ZBTB20: variants seen among roughly 807,000 people sequenced by gnomAD.
ZBTB20 encodes zinc finger and BTB domain containing 20, also known as zinc finger and BTB domain-containing protein 20.
ZBTB20 carries 9 observed loss-of-function variants against 56.9 expected under a neutral mutation model. That is an observed-to-expected ratio of 0.16 (90% CI 0.10 to 0.28). The LOEUF (loss-of-function observed/expected upper bound fraction) is 0.28, where lower values mean the gene tolerates loss of function less well. ZBTB20 is among the 10% of genes least tolerant of loss of function. The pLI is 1.00. For missense variants in ZBTB20, 655 were observed against 1,003.0 expected (o/e 0.65, Z 4.69); for synonymous variants, 417 against 420.7 (o/e 0.99, Z 0.11).
chr3:114,552,537 T>C (rs1237544474), intron 6 of ZBTB20, among the ~76,000 whole-genome samples: 1 of 152,138 alleles, frequency 6.6e-6, no homozygotes, highest in Non-Finnish European at 1.5e-5. Context: ...CTCTGGCCTA[T>C]TTCCAAACCG....
intron 3 of ZBTB20, among the ~76,000 whole-genome samples, chr3:114,909,295 A>G: frequency 6.6e-6 from 1 of 152,050 alleles, no homozygotes; most frequent in Non-Finnish European, 1.5e-5. Context: ...AATGGAAAAA[A>G]TACAGAATAA....
At chr3:114,973,171 G>A (rs1049825034) in intron 3 of ZBTB20, among the ~76,000 whole-genome samples, 1 of 152,078 alleles carries the variant, frequency 6.6e-6, no homozygotes, top group African/African-American at 2.4e-5. Flanking sequence ...AGGTTTAAGA[G>A]TACATCTTTA....
At chr3:114,389,887 C>CAAAAAAAAAAAAAAA (rs34247337) in intron 7 of ZBTB20, among the ~76,000 whole-genome samples, 1 of 77,630 alleles carries the variant, frequency 1.3e-5, no homozygotes, top group Non-Finnish European at 2.2e-5. Flanking sequence ...GAGTCCATCT[C>CAAAAAAAAAAAAAAA]AAAAAAAAAA....
chr3:114,431,332 G>T (rs2090103324), intron 7 of ZBTB20, among the ~76,000 whole-genome samples: 1 of 152,080 alleles, frequency 6.6e-6, no homozygotes, highest in South Asian at 2.1e-4. Flanking sequence ...GGTGCTAAAA[G>T]AAGAAAAACT....
intron 10 of ZBTB20, among the ~76,000 whole-genome samples, chr3:114,364,763 T>G (rs1303429544): frequency 1.3e-5 from 2 of 152,214 alleles, no homozygotes; most frequent in African/African-American, 4.8e-5. Context: ...TTAAATTCCT[T>G]GCTTTTATAG....
rs189760233 is a variant in ZBTB20 at position 115,106,794 on chromosome 3, G to A, written c.-702-35380C>T. On this transcript the variant is annotated intron_variant, in intron 1 of 11. Coordinates refer to ENST00000675478, the MANE Select transcript of ZBTB20 (RefSeq NM_001348800.3). ...ACTAAGAGACTCCCTCCCCACCATC[G>A]CCACCTTCTTCCCCTCTGCCCCCCA... Among the ~76,000 whole-genome samples, 594 of 152,070 alleles carry A rather than the reference G, an allele frequency of 3.9e-3. 4 individuals are homozygous for A. Among genetic ancestry groups the A allele is most frequent in the South Asian group, 6.2e-3 (30 of 4,812 alleles).
At chr3:114,643,342 A>T (rs2059656697) in intron 6 of ZBTB20, among the ~76,000 whole-genome samples, 1 of 151,984 alleles carries the variant, frequency 6.6e-6, no homozygotes, top group African/African-American at 2.4e-5. Context: ...TTCATTTTCC[A>T]TTGTTAATGA....
At chr3:114,684,511 AAAGT>A (rs2062199242) in intron 6 of ZBTB20, 1 of 152,204 alleles carries the variant, frequency 6.6e-6, no homozygotes, top group Non-Finnish European at 1.5e-5. Flanking sequence ...AGATATACAG[AAAGT>A]TATTAAGACC....
chr3:115,003,717 T>C (rs952194837), intron 2 of ZBTB20, among the ~76,000 whole-genome samples: 4 of 151,550 alleles, frequency 2.6e-5, no homozygotes, highest in African/African-American at 9.7e-5. Flanking sequence ...TTAACAAATA[T>C]TATGTTTGCA....
At chr3:114,412,404 G>A (rs1553705720) in intron 7 of ZBTB20, among the ~76,000 whole-genome samples, 1 of 152,104 alleles carries the variant, frequency 6.6e-6, no homozygotes, top group Admixed American at 6.6e-5. Context: ...TCAGAAATAG[G>A]ATTGGAAACA....
intron 4 of ZBTB20, among the ~76,000 whole-genome samples, chr3:114,814,268 A>G (rs899064559): frequency 2.0e-5 from 3 of 148,990 alleles, no homozygotes; most frequent in Non-Finnish European, 4.5e-5. Flanking sequence ...ACTGTCATTT[A>G]TATTTATATA....
intron 3 of ZBTB20, among the ~76,000 whole-genome samples, chr3:114,904,016 G>A (rs1331976692): frequency 2.0e-5 from 3 of 152,042 alleles, no homozygotes; most frequent in Non-Finnish European, 4.4e-5. Context: ...TAAGTGGCGT[G>A]TCTTCAGATT....
chr3:114,941,519 T>C (rs1435549900), intron 3 of ZBTB20, among the ~76,000 whole-genome samples: 1 of 146,224 alleles, frequency 6.8e-6, no homozygotes, highest in East Asian at 1.9e-4. Flanking sequence ...TAAGCGGGCA[T>C]GTAATAAACA....
At chr3:114,524,827 G>A (rs2047030867) in intron 6 of ZBTB20, among the ~76,000 whole-genome samples, 1 of 152,034 alleles carries the variant, frequency 6.6e-6, no homozygotes. Flanking sequence ...CGATTCCCCT[G>A]CCGCGGTCTC....
chr3:114,711,003 A>C (rs983059284), intron 5 of ZBTB20, among the ~76,000 whole-genome samples: 14 of 152,140 alleles, frequency 9.2e-5, no homozygotes, highest in Non-Finnish European at 1.9e-4. Flanking sequence ...TTTCCCTAAA[A>C]TGTTCTTCCT....
chr3:114,320,149 C>T lies in ZBTB20; in HGVS notation c.*18856G>A, dbSNP rs375839088. 3.5e-4 allele frequency: 54 copies of T among 152,212 alleles called. No individual in the cohort carries two copies. Among genetic ancestry groups the T allele is most frequent in the African/African-American group, 1.2e-3 (51 of 41,556 alleles). The allele number at this position is 152,212 out of a possible 1,614,324, so 9.4% of individuals were successfully genotyped here. A position where few individuals can be genotyped will look rare whatever the true frequency, so the allele number is the denominator to read the frequency against. On this transcript the variant is annotated 3_prime_UTR_variant, in exon 12 of 12. Transcript: ENST00000675478. Reference sequence around the variant, plus strand: ...ATTTTTCTTACTTGATGATATTAATCTTTCATGTGGGATGTAGTTTGTATG... The same window carrying T: ...ATTTTTCTTACTTGATGATATTAATTTTTCATGTGGGATGTAGTTTGTATG...
chr3:114,874,837 T>A (rs1351932494), intron 4 of ZBTB20, among the ~76,000 whole-genome samples: 1 of 152,214 alleles, frequency 6.6e-6, no homozygotes, highest in Non-Finnish European at 1.5e-5. Flanking sequence ...TTTTGACAAC[T>A]TGTCTAGCTA....
chr3:114,554,243 G>T (rs1045332078), intron 6 of ZBTB20, among the ~76,000 whole-genome samples: 4 of 152,116 alleles, frequency 2.6e-5, no homozygotes, highest in Non-Finnish European at 5.9e-5. Flanking sequence ...TGAAGGCAGG[G>T]GAGGCCCTAA....
intron 1 of ZBTB20, among the ~76,000 whole-genome samples, chr3:115,090,465 G>A (rs1379067363): frequency 6.7e-6 from 1 of 149,540 alleles, no homozygotes; most frequent in African/African-American, 2.5e-5. Flanking sequence ...GAAAATATTA[G>A]TTTTAGGGTA....
Sources: gnomAD v4.1 joint callset for allele counts (sites outside exome capture counted in the v4.1 genomes callset) on GRCh38, gnomAD v4.1.1 for gene constraint, MANE v1.5 for transcripts, NCBI Gene and HGNC (gene_info 2026-07-23, HGNC 2026-07-21) for gene names.